The following SNCAIP variants were observed in gnomAD, a reference collection of about 807,000 sequenced individuals.
SNCAIP encodes synphilin-1.
SNCAIP carries 43 observed loss-of-function variants against 86.7 expected under a neutral mutation model. The ratio of observed to expected loss-of-function variants is 0.50; its 90% CI spans 0.39 to 0.64. The LOEUF (loss-of-function observed/expected upper bound fraction) is 0.64, where lower values mean the gene tolerates loss of function less well. SNCAIP is among the 30% of genes least tolerant of loss of function. The probability of loss-of-function intolerance (pLI) is 0.00; values close to 1 mark genes in which losing one functional copy is unlikely to be tolerated. For missense variants in SNCAIP, 981 were observed against 1,103.1 expected (o/e 0.89, Z 1.57); for synonymous variants, 417 against 427.2 (o/e 0.98, Z 0.29).
intron 10 of SNCAIP, among the ~76,000 whole-genome samples, chr5:122,456,294 C>A (rs767908868): frequency 6.6e-5 from 10 of 152,152 alleles, no homozygotes; most frequent in African/African-American, 2.4e-4. Flanking sequence ...GAGCTGGTAT[C>A]AAATATTTTG....
chr5:122,355,912 G>A (rs368487106), intron 1 of SNCAIP, among the ~76,000 whole-genome samples: 5 of 152,234 alleles, frequency 3.3e-5, no homozygotes, highest in South Asian at 4.1e-4. Context: ...CTTCAAAACA[G>A]CACTTATAGT....
intron 1 of SNCAIP, among the ~76,000 whole-genome samples, chr5:122,373,908 T>C (rs928319481): frequency 6.6e-6 from 1 of 152,164 alleles, no homozygotes; most frequent in African/African-American, 2.4e-5. Flanking sequence ...TTTCTGTACT[T>C]TGGGTGGCTG....
rs570750374 is a variant in SNCAIP at position 122,407,100 on chromosome 5, G to C, written c.130+3235G>C. On this transcript the variant is annotated intron_variant, in intron 3 of 10. Transcript: ENST00000261368. ...AGACAGACAAGGCCTCTGTGCTCAT[G>C]AAGCTTACATTCTACTGGCAGTGAC... Among the ~76,000 whole-genome samples the C allele has an allele frequency of 2.6e-5, 4 of 152,292 alleles. No individual in the cohort carries two copies. In the South Asian group the frequency reaches 8.3e-4, roughly 32 times the overall value.
intron 10 of SNCAIP, among the ~76,000 whole-genome samples, chr5:122,459,162 A>G (rs1231874907): frequency 1.3e-5 from 2 of 152,168 alleles, no homozygotes; most frequent in Non-Finnish European, 2.9e-5. Context: ...TTCTTAGTAG[A>G]TGAGACTTAT....
intron 1 of SNCAIP, among the ~76,000 whole-genome samples, chr5:122,319,145 T>C (rs1476652141): frequency 6.6e-6 from 1 of 152,058 alleles, no homozygotes. Flanking sequence ...TGTTATTTTT[T>C]GTTGTTGTTG....
At chr5:122,359,199 C>G (rs1405025898) in intron 1 of SNCAIP, among the ~76,000 whole-genome samples, 1 of 151,506 alleles carries the variant, frequency 6.6e-6, no homozygotes, top group Non-Finnish European at 1.5e-5. Flanking sequence ...TCACTTAAGC[C>G]CAGAATAATA....
chr5:122,383,213 T>A (rs2152821665), intron 1 of SNCAIP, among the ~76,000 whole-genome samples: 1 of 152,328 alleles, frequency 6.6e-6, no homozygotes, highest in South Asian at 2.1e-4. Context: ...CGTAGGACCC[T>A]CCGAGCCAGG....
chr5:122,375,730 A>C (rs1765171590), intron 1 of SNCAIP, among the ~76,000 whole-genome samples: 1 of 151,856 alleles, frequency 6.6e-6, no homozygotes, highest in South Asian at 2.1e-4. Flanking sequence ...CTTGTATAGC[A>C]CAACAAATTG....
chr5:122,396,117 C>A (rs984653693), intron 2 of SNCAIP, among the ~76,000 whole-genome samples: 6 of 152,112 alleles, frequency 3.9e-5, no homozygotes, highest in Non-Finnish European at 7.4e-5. Context: ...TTGTAATATC[C>A]TGCATTCAAG....
Position 122,329,652 on chromosome 5 carries a change from C to T in SNCAIP, c.-47+17368C>T, listed in dbSNP as rs182028613. On this transcript the variant is annotated intron_variant, in intron 1 of 10. Transcript: ENST00000261368. Reference sequence around the variant, plus strand: ...ATCTGAATAACTTTGGTGCAAAAAGCTTATTAAGATTAGAGGAGCAGAAAC... The same window carrying T: ...ATCTGAATAACTTTGGTGCAAAAAGTTTATTAAGATTAGAGGAGCAGAAAC... Among the ~76,000 whole-genome samples, 38 of 152,192 alleles carry T rather than the reference C, an allele frequency of 2.5e-4. No homozygotes were observed. In the East Asian group the frequency reaches 3.9e-3, roughly 15 times the overall value.
intron 1 of SNCAIP, among the ~76,000 whole-genome samples, chr5:122,314,604 T>C (rs1306978316): frequency 6.6e-6 from 1 of 152,242 alleles, no homozygotes; most frequent in Non-Finnish European, 1.5e-5. Flanking sequence ...ATTTGATTTA[T>C]ATGCAGATTC....
chr5:122,336,204 G>A (rs1311055802), intron 1 of SNCAIP, among the ~76,000 whole-genome samples: 1 of 151,816 alleles, frequency 6.6e-6, no homozygotes, highest in South Asian at 2.1e-4. Context: ...GAGAGAGAGA[G>A]TGTGTAACAG....
At chr5:122,412,958 C>G (rs1402805714) in intron 3 of SNCAIP, among the ~76,000 whole-genome samples, 1 of 152,106 alleles carries the variant, frequency 6.6e-6, no homozygotes, top group Non-Finnish European at 1.5e-5. Flanking sequence ...TGTTTGCGTC[C>G]CTCCAGAATT....
chr5:122,443,046 G>A (rs1025482936), intron 7 of SNCAIP, among the ~76,000 whole-genome samples: 2 of 152,194 alleles, frequency 1.3e-5, no homozygotes, highest in African/African-American at 4.8e-5. Flanking sequence ...TGTTTATATA[G>A]CATCTCTTCA....
intron 1 of SNCAIP, among the ~76,000 whole-genome samples, chr5:122,382,622 C>A (rs1024063371): frequency 6.6e-5 from 10 of 152,082 alleles, no homozygotes; most frequent in Non-Finnish European, 1.0e-4. Context: ...AGGCGCTCTG[C>A]GTTTTAGAGT....
At chr5:122,405,720 C>T (rs1202629756) in intron 3 of SNCAIP, among the ~76,000 whole-genome samples, 1 of 152,084 alleles carries the variant, frequency 6.6e-6, no homozygotes, top group Non-Finnish European at 1.5e-5. Context: ...AGCATTTTCC[C>T]TGATTAAGTT....
intron 1 of SNCAIP, among the ~76,000 whole-genome samples, chr5:122,377,624 G>A (rs922134466): frequency 1.3e-5 from 2 of 151,654 alleles, no homozygotes; most frequent in Middle Eastern, 3.2e-3. Flanking sequence ...GTGCCATGCT[G>A]GTGCGCTGCA....
intron 1 of SNCAIP, among the ~76,000 whole-genome samples, chr5:122,381,749 T>C (rs1460417561): frequency 2.6e-5 from 4 of 152,090 alleles, no homozygotes; most frequent in Non-Finnish European, 4.4e-5. Flanking sequence ...GGTGACAAAA[T>C]CTCTCAGCAT....
intron 2 of SNCAIP, among the ~76,000 whole-genome samples, chr5:122,402,096 A>G (rs1771940305): frequency 6.6e-6 from 1 of 152,186 alleles, no homozygotes. Flanking sequence ...GAAAAGAAAA[A>G]AAAAAAGAGT....
Sources: gnomAD v4.1 joint callset for allele counts (sites outside exome capture counted in the v4.1 genomes callset) on GRCh38, gnomAD v4.1.1 for gene constraint, MANE v1.5 for transcripts, NCBI Gene and HGNC (gene_info 2026-07-23, HGNC 2026-07-21) for gene names.